The following FHIT variants were observed in gnomAD, a reference collection of about 807,000 sequenced individuals.
The protein encoded by FHIT is fragile histidine triad diadenosine triphosphatase.
In FHIT, 19 loss-of-function variants were observed where a neutral mutation model predicts 17.9. The ratio of observed to expected loss-of-function variants is 1.06; its 90% CI spans 0.74 to 1.56. The LOEUF (loss-of-function observed/expected upper bound fraction) is 1.56. Among genes scored for constraint, FHIT ranks in the 40% most tolerant of loss-of-function variants. The pLI is 0.00. For synonymous variants in FHIT, 81 were observed against 69.7 expected (o/e 1.16, Z -0.81); for missense variants, 248 against 189.2 (o/e 1.31, Z -1.82).
At chr3:60,474,382 C>A (rs1283228287) in intron 5 of FHIT, among the ~76,000 whole-genome samples, 9 of 152,008 alleles carry the variant, frequency 5.9e-5, no homozygotes. Flanking sequence ...TAGATGAAGC[C>A]CCAAAGGGCT....
At chr3:60,710,087 A>C (rs1297826996) in intron 4 of FHIT, among the ~76,000 whole-genome samples, 22 of 152,064 alleles carry the variant, frequency 1.4e-4, no homozygotes, top group African/African-American at 4.6e-4. Flanking sequence ...AAAAAAAAAA[A>C]AAAAAAAACT....
chr3:60,644,832 C>A (rs782407048), intron 4 of FHIT, among the ~76,000 whole-genome samples: 1 of 152,184 alleles, frequency 6.6e-6, no homozygotes, highest in Admixed American at 6.5e-5. Context: ...CCAGATCACC[C>A]TGTGGCCCCT....
At chr3:60,521,207 A>G (rs2035345921) in intron 5 of FHIT, among the ~76,000 whole-genome samples, 1 of 151,898 alleles carries the variant, frequency 6.6e-6, no homozygotes, top group East Asian at 1.9e-4. Flanking sequence ...CTCTTGATCA[A>G]CCTTAAGGCA....
intron 1 of FHIT, among the ~76,000 whole-genome samples, chr3:61,202,810 G>A (rs1356931351): frequency 6.6e-6 from 1 of 152,082 alleles, no homozygotes; most frequent in East Asian, 1.9e-4. Flanking sequence ...CCAGCACTTT[G>A]GGACACCAAG....
chr3:59,864,918 A>G (rs1702574783), intron 8 of FHIT, among the ~76,000 whole-genome samples: 1 of 151,886 alleles, frequency 6.6e-6, no homozygotes, highest in African/African-American at 2.4e-5. Context: ...AGCAGTTCCT[A>G]TACCATCAAG....
intron 1 of FHIT, among the ~76,000 whole-genome samples, chr3:61,208,172 C>A (rs1052317052): frequency 2.8e-4 from 43 of 152,234 alleles, no homozygotes; most frequent in Non-Finnish European, 5.7e-4. Context: ...GCACTGTGGT[C>A]TGAGAGACAG....
intron 5 of FHIT, among the ~76,000 whole-genome samples, chr3:60,444,256 C>G (rs1326671396): frequency 3.9e-5 from 6 of 152,124 alleles, no homozygotes; most frequent in African/African-American, 1.4e-4. Context: ...GGAATGTAAA[C>G]TACTTCAACC....
intron 4 of FHIT, among the ~76,000 whole-genome samples, chr3:60,546,404 T>G (rs1446886251): frequency 1.3e-5 from 2 of 152,204 alleles, no homozygotes; most frequent in Non-Finnish European, 2.9e-5. Context: ...TTATCCTTAG[T>G]ATATTCCTAC....
intron 4 of FHIT, among the ~76,000 whole-genome samples, chr3:60,635,651 T>C (rs1342374309): frequency 6.6e-6 from 1 of 152,214 alleles, no homozygotes; most frequent in Non-Finnish European, 1.5e-5. Context: ...CTTAGTATTT[T>C]CTTTTGACAG....
intron 5 of FHIT, among the ~76,000 whole-genome samples, chr3:60,153,722 G>C (rs1430697144): frequency 6.6e-6 from 1 of 152,096 alleles, no homozygotes; most frequent in East Asian, 1.9e-4. Flanking sequence ...TTTTAGGTCT[G>C]GCATTTTATC....
chr3:60,616,077 C>G (rs1178688304), intron 4 of FHIT, among the ~76,000 whole-genome samples: 1 of 152,142 alleles, frequency 6.6e-6, no homozygotes, highest in Non-Finnish European at 1.5e-5. Flanking sequence ...GTCATTAGGT[C>G]ACAATTCTTG....
chr3:60,116,132 G>A, intron 5 of FHIT, among the ~76,000 whole-genome samples: 1 of 152,150 alleles, frequency 6.6e-6, no homozygotes, highest in African/African-American at 2.4e-5. Context: ...AAGGTGTTAT[G>A]ACAAAGAAAA....
At chr3:59,938,352 A>G (rs752752364) in intron 7 of FHIT, among the ~76,000 whole-genome samples, 1 of 152,158 alleles carries the variant, frequency 6.6e-6, no homozygotes, top group Non-Finnish European at 1.5e-5. Context: ...AAAGTAAAAT[A>G]TATAGAGATA....
chr3:61,146,290 C>T (rs1339887208), intron 2 of FHIT, among the ~76,000 whole-genome samples: 1 of 152,000 alleles, frequency 6.6e-6, no homozygotes, highest in Non-Finnish European at 1.5e-5. Flanking sequence ...TCATATTTTG[C>T]TGAATACTGT....
In FHIT at chr3:60,927,317, C is replaced by T. The variant is rs1462031196; in HGVS notation, c.-110-105306G>A. 2.6e-5 allele frequency among the ~76,000 whole-genome samples: 4 copies of T among 152,246 alleles called. No individual in the cohort carries two copies. The South Asian group carries it at 8.3e-4, about 31-fold the overall frequency. On this transcript the variant is annotated intron_variant, in intron 3 of 9. Coordinates refer to ENST00000492590, the MANE Select transcript of FHIT (RefSeq NM_002012.4). The stretch of plus-strand genomic sequence containing the variant: ...CACTCAGTGCTCAATGTTGCCCAGG[C>T]TGGAGTGCAGTGGCGTGAACCTCCA...
Position 61,042,066 on chromosome 3 carries a change from C to G in FHIT, c.-130G>C, listed in dbSNP as rs1339714448. The G allele has an allele frequency of 6.6e-6, 1 of 152,234 alleles. No individual in the cohort carries two copies. The highest frequency in any genetic ancestry group is 1.5e-5 in the Non-Finnish European group (1 of 68,056). 9.4% of individuals were successfully genotyped at this position (152,234 alleles called of 1,614,324 possible). A position where few individuals can be genotyped will look rare whatever the true frequency, so the allele number is the denominator to read the frequency against. On this transcript the variant is annotated 5_prime_UTR_variant, in exon 3 of 10. Transcript: ENST00000492590. ...TTTTACCTTCTTTCTCTTTCTCTCCCTTCCACCGTCTGGATGTAGATAGCA... is the reference window on the plus strand; with the variant it reads ...TTTTACCTTCTTTCTCTTTCTCTCCGTTCCACCGTCTGGATGTAGATAGCA...
chr3:59,972,637 C>T (rs1708237419), intron 7 of FHIT, among the ~76,000 whole-genome samples: 2 of 152,078 alleles, frequency 1.3e-5, no homozygotes, highest in Non-Finnish European at 2.9e-5. Flanking sequence ...AAGTGGAATC[C>T]AAGTCCTATG....
Position 60,713,757 on chromosome 3 carries a change from C to T in FHIT, c.-18+108162G>A, listed in dbSNP as rs2041605399. Reference sequence around the variant, plus strand: ...GGAAGAAGTTGAATCTCTGAATAGACCAATAACAGGATCTGAAATTGTGGC... The same window carrying T: ...GGAAGAAGTTGAATCTCTGAATAGATCAATAACAGGATCTGAAATTGTGGC... On this transcript the variant is annotated intron_variant, in intron 4 of 9. Coordinates refer to ENST00000492590, the MANE Select transcript of FHIT (RefSeq NM_002012.4). 1.3e-5 allele frequency among the ~76,000 whole-genome samples: 2 copies of T among 152,090 alleles called. 1 individual carries two copies. The highest frequency in any genetic ancestry group is 4.2e-4 in the South Asian group (2 of 4,816).
At chr3:59,912,324 C>T (rs1214717225) in intron 8 of FHIT, among the ~76,000 whole-genome samples, 2 of 152,264 alleles carry the variant, frequency 1.3e-5, no homozygotes, top group South Asian at 4.1e-4. Flanking sequence ...ATGGTAGACA[C>T]CGCATGTGGA....
Sources: allele counts gnomAD v4.1 joint callset (sites outside exome capture counted in the v4.1 genomes callset), GRCh38; gene constraint gnomAD v4.1.1; transcripts MANE v1.5; gene names NCBI Gene and HGNC (gene_info 2026-07-23, HGNC 2026-07-21).